CARMIL1: variants seen among roughly 807,000 people sequenced by gnomAD.
CARMIL1 encodes F-actin-uncapping protein LRRC16A.
CARMIL1 carries 90 observed loss-of-function variants against 177.1 expected under a neutral mutation model. The ratio of observed to expected loss-of-function variants is 0.51; its 90% confidence interval spans 0.43 to 0.61. The LOEUF (loss-of-function observed/expected upper bound fraction) is 0.61, where lower values mean the gene tolerates loss of function less well. CARMIL1 is among the 20% of genes least tolerant of loss of function. The pLI, the probability that CARMIL1 is intolerant of heterozygous loss-of-function variation, is 0.00. For synonymous variants in CARMIL1, 577 were observed against 606.2 expected (o/e 0.95, Z 0.71); for missense variants, 1,380 against 1,667.0 (o/e 0.83, Z 3.00).
intron 24 of CARMIL1, among the ~76,000 whole-genome samples, chr6:25,531,657 T>C (rs1480320265): frequency 6.6e-6 from 1 of 152,224 alleles, no homozygotes; most frequent in Non-Finnish European, 1.5e-5. Context: ...TAATTTCTTT[T>C]CCTGCAAGGA....
At chr6:25,541,362 G>A (rs6917868) in intron 26 of CARMIL1, among the ~76,000 whole-genome samples, 2 of 152,092 alleles carry the variant, frequency 1.3e-5, no homozygotes, top group African/African-American at 4.8e-5. Context: ...ACAATGTCAT[G>A]AATACAATTA....
intron 2 of CARMIL1, among the ~76,000 whole-genome samples, chr6:25,331,244 A>C (rs7770388): frequency 0.13 from 20,468 of 152,112 alleles, 1,436 homozygotes; most frequent in Middle Eastern, 0.19. Flanking sequence ...CTCAAATGTT[A>C]TGTGTTATGC....
At chr6:25,487,222 C>CAGGG (rs986734802) in intron 12 of CARMIL1, among the ~76,000 whole-genome samples, 2 of 152,140 alleles carry the variant, frequency 1.3e-5, no homozygotes, top group African/African-American at 2.4e-5. Flanking sequence ...AAGCTCACAG[C>CAGGG]AGGGAGGTGC....
At chr6:25,587,664 C>T (rs1426302941) in intron 31 of CARMIL1, among the ~76,000 whole-genome samples, 1 of 152,030 alleles carries the variant, frequency 6.6e-6, no homozygotes, top group Non-Finnish European at 1.5e-5. Flanking sequence ...TCCTGGAAAC[C>T]GATTTAATAC....
intron 2 of CARMIL1, among the ~76,000 whole-genome samples, chr6:25,414,964 C>A (rs1343163314): frequency 6.6e-6 from 1 of 152,178 alleles, no homozygotes; most frequent in Non-Finnish European, 1.5e-5. Flanking sequence ...CTGTGTACTT[C>A]CACTGCCTGT....
chr6:25,586,198 C>T (rs1289118616), intron 31 of CARMIL1, among the ~76,000 whole-genome samples: 3 of 150,748 alleles, frequency 2.0e-5, no homozygotes, highest in African/African-American at 7.4e-5. Context: ...ACTTCCCGGA[C>T]GGGGTGGCTG....
At chr6:25,567,575 T>G (rs1312626676) in intron 29 of CARMIL1, among the ~76,000 whole-genome samples, 2 of 152,242 alleles carry the variant, frequency 1.3e-5, no homozygotes, top group African/African-American at 4.8e-5. Flanking sequence ...TTGTTTTCCT[T>G]CTTGCCTGAT....
intron 24 of CARMIL1, among the ~76,000 whole-genome samples, chr6:25,536,866 A>T (rs1163586578): frequency 6.6e-6 from 1 of 152,212 alleles, no homozygotes; most frequent in Admixed American, 6.5e-5. Flanking sequence ...CCTCTGCCAA[A>T]TGAATTATCA....
In CARMIL1 at chr6:25,449,907, G is replaced by GA; in HGVS notation, c.387dup (p.Val130SerfsTer7). The GA allele has an allele frequency of 6.2e-7, 1 of 1,603,362 alleles. No individual in the cohort carries two copies. The highest frequency in any genetic ancestry group is 8.5e-7 in the Non-Finnish European group (1 of 1,173,450). On this transcript the variant is annotated frameshift_variant, in exon 6 of 37. Coordinates refer to ENST00000329474, the MANE Select transcript of CARMIL1 (RefSeq NM_017640.6). LOFTEE classifies it high-confidence loss of function. The stretch of plus-strand genomic sequence containing the variant: ...GTTGTTGATCTTACAGGAGAATCAT[G>GA]AAAAAAGTCTCCATGGAGCCATCTG...
chr6:25,480,530 ATGTATCTCTAGG>A (rs1159266916), intron 11 of CARMIL1, among the ~76,000 whole-genome samples: 1 of 151,330 alleles, frequency 6.6e-6, no homozygotes, highest in African/African-American at 2.4e-5. Flanking sequence ...TTCTGAATAC[ATGTATCTCTAGG>A]TGTATCTCTT....
intron 29 of CARMIL1, among the ~76,000 whole-genome samples, chr6:25,573,826 T>A (rs547201846): frequency 2.7e-4 from 41 of 152,190 alleles, no homozygotes; most frequent in South Asian, 6.2e-4. Context: ...TTAATTTTTT[T>A]AAAAAATCCC....
At chr6:25,426,291 C>T (rs566394628) in intron 3 of CARMIL1, among the ~76,000 whole-genome samples, 14 of 152,136 alleles carry the variant, frequency 9.2e-5, no homozygotes, top group African/African-American at 3.4e-4. Flanking sequence ...TAAAGTAACA[C>T]CTTTTCTGAA....
chr6:25,576,890 A>C, intron 29 of CARMIL1: 2,015 of 354,272 alleles, frequency 5.7e-3, no homozygotes, highest in Non-Finnish European at 7.2e-3. Flanking sequence ...TGTGAATGGT[A>C]TCCCTCTCCC....
chr6:25,510,345 G>C (rs1256470920), intron 18 of CARMIL1, among the ~76,000 whole-genome samples, 162 bp from the exon 19 acceptor site: 3 of 152,130 alleles, frequency 2.0e-5, no homozygotes, highest in Non-Finnish European at 4.4e-5. Flanking sequence ...CATGAAAAGA[G>C]AGCAAAGAGT....
chr6:25,498,630 C>T (rs1415700607), intron 16 of CARMIL1, among the ~76,000 whole-genome samples: 1 of 152,122 alleles, frequency 6.6e-6, no homozygotes, highest in African/African-American at 2.4e-5. Context: ...AGAAACTCAG[C>T]ATATGTTGGA....
intron 17 of CARMIL1, among the ~76,000 whole-genome samples, chr6:25,500,583 G>C (rs138778020): frequency 2.0e-5 from 3 of 152,272 alleles, no homozygotes; most frequent in Non-Finnish European, 4.4e-5. Context: ...AGGGACAAAT[G>C]TGTATAACCT....
chr6:25,600,115 C>T (rs978750309), intron 32 of CARMIL1, among the ~76,000 whole-genome samples, 199 bp from the exon 33 acceptor site: 4 of 152,146 alleles, frequency 2.6e-5, no homozygotes, highest in African/African-American at 9.7e-5. Context: ...GTGCGTGCCT[C>T]GATTTTCTCA....
chr6:25,348,401 G>A (rs1787763232), intron 2 of CARMIL1, among the ~76,000 whole-genome samples: 1 of 151,698 alleles, frequency 6.6e-6, no homozygotes, highest in Non-Finnish European at 1.5e-5. Context: ...CAAAGTGTTG[G>A]GATTACAGGC....
At chr6:25,450,063 C>G in intron 6 of CARMIL1, 68 bp downstream of exon 6, 1 of 1,298,818 alleles carries the variant, frequency 7.7e-7, no homozygotes. Flanking sequence ...GAAGTTAAGT[C>G]TATTCCTAGT....
Sources: gnomAD v4.1 joint callset for allele counts (sites outside exome capture counted in the v4.1 genomes callset) on GRCh38, gnomAD v4.1.1 for gene constraint, MANE v1.5 for transcripts, NCBI Gene and HGNC (gene_info 2026-07-23, HGNC 2026-07-21) for gene names.